Variants in SBDS observed in about 807,000 individuals in gnomAD.
The protein encoded by SBDS is ribosome maturation protein SBDS.
Under a neutral mutation model 26.4 loss-of-function variants are expected in SBDS, and 20 were observed. The ratio of observed to expected loss-of-function variants is 0.76; its 90% CI spans 0.53 to 1.10. The LOEUF is 1.10. SBDS is among the 50% of genes least tolerant of loss of function. The pLI, the probability that SBDS is intolerant of heterozygous loss-of-function variation, is 0.00. For synonymous variants in SBDS, 95 were observed against 105.1 expected, an observed-to-expected ratio of 0.90 and a Z score of 0.59; for missense variants, 241 against 302.0, an observed-to-expected ratio of 0.80 and a Z score of 1.50.
At chr7:66,993,487 T>TA (rs1793019416) in intron 2 of SBDS, 70 bp from the exon 3 acceptor site, 2 of 1,215,532 alleles carry the variant, frequency 1.6e-6, no homozygotes, top group African/African-American at 1.5e-5. Flanking sequence ...TAACTAACCA[T>TA]AAAAAATGAG....
intron 4 of SBDS, among the ~76,000 whole-genome samples, chr7:66,989,917 CAT>C (rs540738642): frequency 1.3e-5 from 2 of 151,686 alleles, no homozygotes; most frequent in South Asian, 4.2e-4. Flanking sequence ...CTTTTCCTCA[CAT>C]GATGCAATTA....
chr7:66,991,137 G>A lies in SBDS; in HGVS notation c.624C>T (p.Ile208=). The part of the protein sequence containing the change: ...ESEDYGQQLE[I]VCLIDPGCFR... ...AGCAAAGAAAATATTTGACTCTTAC[G>A]ATTTCTAACTGTTGGCCATAATCTT... Residue 208 remains isoleucine, a splice_region_variant and synonymous_variant, in exon 4 of 5, where the codon ATC becomes ATT. Transcript: ENST00000246868. 3.1e-6 allele frequency: 5 copies of A among 1,610,914 alleles called. No homozygotes were observed. The highest frequency in any genetic ancestry group is 1.1e-5 in the South Asian group (1 of 90,136).
At position 66,995,452 on chromosome 7, in the gene SBDS, A is replaced by C. The variant is rs772607723; in HGVS notation, c.-35T>G. 1 of 1,612,568 alleles carries C rather than the reference A, an allele frequency of 6.2e-7. No individual in the cohort carries two copies. The highest frequency in any genetic ancestry group is 1.7e-5 in the Admixed American group (1 of 60,026). ...TCAAAGACCCAGAAGCCGGCGAACC[A>C]GGGCTGACCCGCGCCGTCCAGCCTG... On this transcript the variant is annotated 5_prime_UTR_variant, in exon 1 of 5. Coordinates refer to ENST00000246868, the MANE Select transcript of SBDS (RefSeq NM_016038.4).
At position 66,988,388 on chromosome 7, in the gene SBDS, C is replaced by T. The variant is rs188752805; in HGVS notation, c.736G>A (p.Asp246Asn). 16 of 1,613,558 alleles carry T rather than the reference C, an allele frequency of 9.9e-6. No individual in the cohort carries two copies. The Admixed American group carries it at 2.7e-4, about 27-fold the overall frequency. ...VLNLKDVEEG[D>N]EKFE Reference sequence around the variant, plus strand: ...GATGGGTGTCATTCAAATTTCTCATCTCCTTCTTCTACATCTTTCAGATTG... The same window carrying T: ...GATGGGTGTCATTCAAATTTCTCATTTCCTTCTTCTACATCTTTCAGATTG... Residue 246 changes from aspartate (D) to asparagine (N), a missense_variant, in exon 5 of 5, where the codon GAT becomes AAT. Transcript: ENST00000246868.
intron 4 of SBDS, 64 bp downstream of exon 4, chr7:66,991,073 A>G (rs1792965913): frequency 7.2e-7 from 1 of 1,391,026 alleles, no homozygotes; most frequent in Admixed American, 2.0e-5. Flanking sequence ...TGTTTGCTAC[A>G]AATTTATTAC....
chr7:66,990,914 G>A, intron 4 of SBDS: 1 of 407,012 alleles, frequency 2.5e-6, no homozygotes, highest in Non-Finnish European at 4.5e-6. Flanking sequence ...CTACACAGGA[G>A]GCTGAGGCAG....
In SBDS at chr7:66,994,208, C is replaced by T. The variant is rs953503293; in HGVS notation, c.258+4G>A. 3 of 1,613,854 alleles carry T rather than the reference C, an allele frequency of 1.9e-6. No individual in the cohort carries two copies. Among genetic ancestry groups the T allele is most frequent in the African/African-American group, 1.3e-5 (1 of 75,010 alleles). On this transcript the variant is annotated splice_donor_region_variant and intron_variant, in intron 2 of 4. Coordinates refer to ENST00000246868, the MANE Select transcript of SBDS (RefSeq NM_016038.4). ...GGGTTAGCTATGCTGCAGCTGTTAC[C>T]CACCTGCTTACAGATTTCAGTTTGG...
At chr7:66,994,402 C>A in intron 1 of SBDS, 61 bp from the exon 2 acceptor site, 1 of 1,426,576 alleles carries the variant, frequency 7.0e-7, no homozygotes, top group South Asian at 1.1e-5. Flanking sequence ...CATGCATTTA[C>A]ATTTAAATAC....
Position 66,988,183 on chromosome 7 carries a change from T to C in SBDS, c.*188A>G. 1.6e-6 allele frequency: 1 copy of C among 628,880 alleles called. No homozygotes were observed. Among genetic ancestry groups the C allele is most frequent in the Non-Finnish European group, 2.7e-6 (1 of 373,124 alleles). 39.0% of individuals were successfully genotyped at this position (628,880 alleles called of 1,614,324 possible). A position where few individuals can be genotyped will look rare whatever the true frequency, so the allele number is the denominator to read the frequency against. The stretch of plus-strand genomic sequence containing the variant: ...TTGCTTTAGGATTTAGACCCCAGTT[T>C]ATAATTAAAACCAAATCATTCCCAC... On this transcript the variant is annotated 3_prime_UTR_variant, in exon 5 of 5. Coordinates refer to ENST00000246868, the MANE Select transcript of SBDS (RefSeq NM_016038.4).
At chr7:66,993,533 C>G in intron 2 of SBDS, 116 bp from the exon 3 acceptor site, 1 of 824,698 alleles carries the variant, frequency 1.2e-6, no homozygotes, top group Non-Finnish European at 2.0e-6. Flanking sequence ...TTCATCCTCT[C>G]CAGCTATCAA....
chr7:66,993,079 C>T, intron 3 of SBDS, 138 bp downstream of exon 3: 1 of 819,298 alleles, frequency 1.2e-6, no homozygotes, highest in Non-Finnish European at 2.1e-6. Context: ...CTCAAGCAAT[C>T]CTCCCATCTT....
Position 66,988,254 on chromosome 7 carries a change from A to G in SBDS, c.*117T>C. ...AAGCCTTGCTGTGTCCACTGTTAACACAAAGATAGAAAATGTCAAATAGTT... is the reference window on the plus strand; with the variant it reads ...AAGCCTTGCTGTGTCCACTGTTAACGCAAAGATAGAAAATGTCAAATAGTT... On this transcript the variant is annotated 3_prime_UTR_variant, in exon 5 of 5. Transcript: ENST00000246868. 1.7e-6 allele frequency: 2 copies of G among 1,154,024 alleles called. No individual in the cohort carries two copies. The highest frequency in any genetic ancestry group is 1.8e-5 in the Admixed American group (1 of 57,068). The allele number at this position is 1,154,024 out of a possible 1,614,324, so 71.5% of individuals were successfully genotyped here. A position where few individuals can be genotyped will look rare whatever the true frequency, so the allele number is the denominator to read the frequency against.
chr7:66,993,509 A>G, intron 2 of SBDS, 92 bp from the exon 3 acceptor site: 1 of 1,005,068 alleles, frequency 9.9e-7, no homozygotes, highest in South Asian at 1.3e-5. Flanking sequence ...AACTGGATGG[A>G]GAGAAAATTA....
Position 66,995,291 on chromosome 7 carries a change from C to A in SBDS, c.127G>T (p.Val43Leu), listed in dbSNP as rs147652512. The change falls in exon 1 of 5, where the codon GTG becomes TTG. Residue 43 changes from valine (V) to leucine (L), a missense_variant and splice_region_variant. Val to Leu is a conservative substitution (Grantham distance 32, BLOSUM62 1). Transcript: ENST00000246868. ...KNKVVGWRSG[V>L]EKDLDEVLQT... Reference sequence around the variant, plus strand: ...GGCCCGAGGGAGGGGGCTACTCACACGCCGCTCCGCCAGCCGACGACCTTG... The same window carrying A: ...GGCCCGAGGGAGGGGGCTACTCACAAGCCGCTCCGCCAGCCGACGACCTTG... 2,289 of 1,613,556 alleles carry A rather than the reference C, an allele frequency of 1.4e-3. 2 individuals carry two copies. Among genetic ancestry groups the A allele is most frequent in the Non-Finnish European group, 1.8e-3 (2,116 of 1,179,788 alleles).
At position 66,988,467 on chromosome 7, in the gene SBDS, T is replaced by G. The variant is rs754099984; in HGVS notation, c.657A>C (p.Glu219Asp). The change falls in exon 5 of 5, where the codon GAA (glutamate) becomes GAC (aspartate). Residue 219 changes from glutamate (E) to aspartate (D), a missense_variant. Transcript: ENST00000246868. ...VCLIDPGCFR[E>D]IDELIKKETK... ...TTTCCTTTTTTATTAGCTCATCAAT[T>G]TCTCGGAAGCAGCCCGGGTCAATCA... is the stretch of plus-strand genomic sequence containing the variant. 6.2e-7 allele frequency: 1 copy of G among 1,613,818 alleles called. No individual in the cohort carries two copies. Among genetic ancestry groups the G allele is most frequent in the Non-Finnish European group, 8.5e-7 (1 of 1,180,032 alleles).
intron 3 of SBDS, among the ~76,000 whole-genome samples, chr7:66,991,775 A>G (rs772250910): frequency 6.6e-6 from 1 of 152,270 alleles, no homozygotes; most frequent in Non-Finnish European, 1.5e-5. Flanking sequence ...AAGAACCTGA[A>G]CAGAGATTTC....
At chr7:66,989,715 C>T (rs1792937019) in intron 4 of SBDS, among the ~76,000 whole-genome samples, 2 of 152,290 alleles carry the variant, frequency 1.3e-5, no homozygotes, top group South Asian at 4.1e-4. Context: ...CAGGTTCACA[C>T]ACTAATATCC....
chr7:66,988,399 A>G lies in SBDS; in HGVS notation c.725T>C (p.Val242Ala). 1.2e-6 allele frequency: 2 copies of G among 1,613,812 alleles called. No homozygotes were observed. The highest frequency in any genetic ancestry group is 1.7e-6 in the Non-Finnish European group (2 of 1,179,982). The change falls in exon 5 of 5, where the codon GTA becomes GCA. Residue 242 changes from valine to alanine, a missense_variant. Val to Ala is a moderately conservative substitution (Grantham distance 64). Coordinates refer to ENST00000246868, the MANE Select transcript of SBDS (RefSeq NM_016038.4). ...GSLEVLNLKD[V>A]EEGDEKFE ...TTCAAATTTCTCATCTCCTTCTTCT[A>G]CATCTTTCAGATTGAGTACTTCCAA...
intron 2 of SBDS, among the ~76,000 whole-genome samples, chr7:66,993,884 C>T (rs999305387): frequency 6.7e-6 from 1 of 149,786 alleles, no homozygotes; most frequent in African/African-American, 2.5e-5. Flanking sequence ...GTCCCCCCAC[C>T]CAAAAAAAAA....
Sources: allele counts gnomAD v4.1 joint callset (sites outside exome capture counted in the v4.1 genomes callset), GRCh38; gene constraint gnomAD v4.1.1; transcripts MANE v1.5; gene names NCBI Gene and HGNC (gene_info 2026-07-23, HGNC 2026-07-21).